The following CSMD1 variants were observed in gnomAD, a reference collection of about 807,000 sequenced individuals.
The protein encoded by CSMD1 is CUB and Sushi multiple domains 1.
A neutral mutation model predicts 417.5 loss-of-function variants in CSMD1; 213 were observed. That is an observed-to-expected ratio of 0.51 (90% CI 0.46 to 0.57). CSMD1 has a LOEUF of 0.57. Ranked by LOEUF, CSMD1 falls within the 20% of genes least tolerant of loss-of-function variation. CSMD1 has a pLI of 0.00. For synonymous variants in CSMD1, 2,862 were observed against 1,736.8 expected (o/e 1.65, Z -16.11); for missense variants, 6,923 against 4,529.7 (o/e 1.53, Z -15.17).
At chr8:3,597,182 T>C (rs1041434566) in intron 8 of CSMD1, among the ~76,000 whole-genome samples, 1 of 152,088 alleles carries the variant, frequency 6.6e-6, no homozygotes, top group African/African-American at 2.4e-5. Flanking sequence ...GGTCATACTT[T>C]GAGAAGGGGA....
intron 12 of CSMD1, among the ~76,000 whole-genome samples, chr8:3,445,169 C>G (rs1310139952): frequency 6.6e-6 from 1 of 152,168 alleles, no homozygotes; most frequent in East Asian, 1.9e-4. Context: ...AATCATAACA[C>G]AGTACACTTT....
At chr8:4,621,268 C>T (rs1801764038) in intron 2 of CSMD1, among the ~76,000 whole-genome samples, 1 of 151,862 alleles carries the variant, frequency 6.6e-6, no homozygotes, top group African/African-American at 2.4e-5. Context: ...AACCTGAAGA[C>T]AATTTTAAAC....
In CSMD1 at chr8:3,711,720, T is replaced by G. The variant is rs4875254; in HGVS notation, c.932-3229A>C. Among the ~76,000 whole-genome samples, 670 of 152,110 alleles carry G rather than the reference T, an allele frequency of 4.4e-3. 1 individual carries two copies. Among genetic ancestry groups the G allele is most frequent in the Non-Finnish European group, 7.6e-3 (515 of 67,996 alleles). Reference sequence around the variant, plus strand: ...CCTCTGCCAGCTCTCCCCAGGATAATGCTTTCATCCAAAATGGCAAACGTA... The same window carrying G: ...CCTCTGCCAGCTCTCCCCAGGATAAGGCTTTCATCCAAAATGGCAAACGTA... On this transcript the variant is annotated intron_variant, in intron 6 of 69. Coordinates refer to ENST00000635120, the MANE Select transcript of CSMD1 (RefSeq NM_033225.6).
At position 2,967,464 on chromosome 8, in the gene CSMD1, T is replaced by C. The variant is rs78772539; in HGVS notation, c.8924-718A>G. Among the ~76,000 whole-genome samples the C allele has an allele frequency of 6.2e-4, 94 of 152,320 alleles. 1 individual carries two copies. The East Asian group carries it at 0.017, about 28-fold the overall frequency. ...CTCTGTGCCTATTTTTTACGCTCTTTAGTCAGTAAACAAAAGCAAGCTCGG... is the reference window on the plus strand; with the variant it reads ...CTCTGTGCCTATTTTTTACGCTCTTCAGTCAGTAAACAAAAGCAAGCTCGG... On this transcript the variant is annotated intron_variant, in intron 57 of 69. Coordinates refer to ENST00000635120, the MANE Select transcript of CSMD1 (RefSeq NM_033225.6).
intron 9 of CSMD1, among the ~76,000 whole-genome samples, chr8:3,582,572 T>C (rs974683193): frequency 1.6e-4 from 25 of 152,310 alleles, no homozygotes; most frequent in African/African-American, 6.0e-4. Context: ...ATGTCTAAAC[T>C]TGCGCTGTCA....
chr8:3,698,674 C>T (rs1479721255), intron 7 of CSMD1, among the ~76,000 whole-genome samples: 3 of 152,120 alleles, frequency 2.0e-5, no homozygotes, highest in African/African-American at 7.2e-5. Context: ...TAGTAACACG[C>T]CTGGTATTCC....
At chr8:4,062,920 A>AG (rs1185509012) in intron 3 of CSMD1, among the ~76,000 whole-genome samples, 1 of 151,904 alleles carries the variant, frequency 6.6e-6, no homozygotes, top group Non-Finnish European at 1.5e-5. Context: ...CATTGCAAAA[A>AG]AAAAAAATTC....
intron 3 of CSMD1, among the ~76,000 whole-genome samples, chr8:4,090,335 A>G (rs1329951788): frequency 6.6e-6 from 1 of 152,216 alleles, no homozygotes; most frequent in African/African-American, 2.4e-5. Flanking sequence ...ATTAAACATG[A>G]GTCATTATCT....
chr8:3,354,929 A>ATATGTCTATCTATAGATCTATC (rs1554523471), intron 21 of CSMD1, among the ~76,000 whole-genome samples: 1 of 149,770 alleles, frequency 6.7e-6, no homozygotes, highest in Non-Finnish European at 1.5e-5. Context: ...CTATCTATAG[A>ATATGTCTATCTATAGATCTATC]TATAGATATA....
intron 49 of CSMD1, among the ~76,000 whole-genome samples, chr8:3,076,037 C>T (rs1452839376): frequency 1.4e-5 from 2 of 147,688 alleles, no homozygotes; most frequent in Non-Finnish European, 3.0e-5. Flanking sequence ...GGCGACAGAG[C>T]GAGACTCCGT....
rs371346222 is a variant in CSMD1 at position 2,973,124 on chromosome 8, C to T, written c.8916G>A (p.Val2972=). Residue 2972 remains valine, a synonymous_variant, in exon 57 of 70, where the codon GTG becomes GTA. Coordinates refer to ENST00000635120, the MANE Select transcript of CSMD1 (RefSeq NM_033225.6). ...AGGCTTCTGGCTACTCACCCTCACA[C>T]ACCGGCTGCAGTCCTGACCATGACC... The part of the protein sequence containing the change: ...LNGSWSGLQP[V]CEAVSCGNPG... 3.2e-5 allele frequency: 51 copies of T among 1,613,436 alleles called. No individual in the cohort carries two copies. The African/African-American group carries it at 6.1e-4, about 19-fold the overall frequency.
intron 2 of CSMD1, among the ~76,000 whole-genome samples, chr8:4,563,497 G>C (rs566631247): frequency 1.3e-3 from 204 of 152,244 alleles, no homozygotes; most frequent in Middle Eastern, 3.4e-3. Context: ...CAGTATTCCT[G>C]TGCCGGCTAT....
At chr8:4,349,386 T>A (rs946854291) in intron 3 of CSMD1, among the ~76,000 whole-genome samples, 11 of 152,170 alleles carry the variant, frequency 7.2e-5, no homozygotes, top group South Asian at 2.1e-4. Flanking sequence ...CATCCTTTTG[T>A]GGTAGGCAGA....
At chr8:4,692,727 G>A (rs1335879480) in intron 1 of CSMD1, among the ~76,000 whole-genome samples, 1 of 152,140 alleles carries the variant, frequency 6.6e-6, no homozygotes, top group Non-Finnish European at 1.5e-5. Context: ...CCGATAACGT[G>A]CAAATCAGGA....
intron 2 of CSMD1, among the ~76,000 whole-genome samples, chr8:4,614,480 T>C (rs1037404890): frequency 3.3e-5 from 5 of 152,298 alleles, no homozygotes; most frequent in Middle Eastern, 3.4e-3. Context: ...ATGTCACCTC[T>C]AAACTGATCT....
chr8:3,307,014 C>G (rs1804913109), intron 25 of CSMD1, among the ~76,000 whole-genome samples: 1 of 134,336 alleles, frequency 7.4e-6, no homozygotes, highest in African/African-American at 2.6e-5. Flanking sequence ...CTTGGTCTAC[C>G]TCAAAGTTAC....
At chr8:3,838,988 T>A (rs1480475208) in intron 5 of CSMD1, among the ~76,000 whole-genome samples, 2 of 126,014 alleles carry the variant, frequency 1.6e-5, no homozygotes, top group Admixed American at 2.0e-4. Context: ...ATATTATATA[T>A]CATATAATTA....
At chr8:4,909,955 T>C (rs1370930894) in intron 1 of CSMD1, among the ~76,000 whole-genome samples, 1 of 152,162 alleles carries the variant, frequency 6.6e-6, no homozygotes, top group Non-Finnish European at 1.5e-5. Flanking sequence ...TGAAGTCTTG[T>C]GGATGATTTT....
intron 5 of CSMD1, among the ~76,000 whole-genome samples, chr8:3,878,274 G>C (rs1193006782): frequency 6.6e-6 from 1 of 152,078 alleles, no homozygotes; most frequent in Non-Finnish European, 1.5e-5. Context: ...CCAGGAATGG[G>C]ACTAAAATAA....
Sources: gnomAD v4.1 joint callset for allele counts (sites outside exome capture counted in the v4.1 genomes callset) on GRCh38, gnomAD v4.1.1 for gene constraint, MANE v1.5 for transcripts, NCBI Gene and HGNC (gene_info 2026-07-23, HGNC 2026-07-21) for gene names.